SHOC2: variants seen among roughly 807,000 people sequenced by gnomAD.
SHOC2 encodes the protein SHOC2 leucine rich repeat scaffold protein.
In SHOC2, 4 loss-of-function variants were observed where a neutral mutation model predicts 50.2. That is an observed-to-expected ratio of 0.08 (90% CI 0.04 to 0.18). SHOC2 has a LOEUF of 0.18. Ranked by LOEUF, SHOC2 falls within the 10% of genes least tolerant of loss-of-function variation. The pLI, the probability that SHOC2 is intolerant of heterozygous loss-of-function variation, is 1.00. For synonymous variants in SHOC2, 218 were observed against 244.5 expected, an observed-to-expected ratio of 0.89 and a Z score of 1.01; for missense variants, 388 against 669.6, an observed-to-expected ratio of 0.58 and a Z score of 4.64.
At chr10:110,979,783 A>G (rs1239974892) in intron 2 of SHOC2, among the ~76,000 whole-genome samples, 2 of 152,208 alleles carry the variant, frequency 1.3e-5, no homozygotes, top group Middle Eastern at 3.2e-3. Context: ...CCAAACTGTA[A>G]CTTCAGCTCA....
At chr10:110,968,138 G>C (rs1027891818) in intron 2 of SHOC2, among the ~76,000 whole-genome samples, 5 of 152,016 alleles carry the variant, frequency 3.3e-5, no homozygotes, top group Admixed American at 3.3e-4. Context: ...GTTATTATCC[G>C]TCTTTTCTTA....
rs577082608 is a variant in SHOC2, at chr10:110,965,715, A to G, written c.703+654A>G. On this transcript the variant is annotated intron_variant, in intron 2 of 8. Coordinates refer to ENST00000369452, the MANE Select transcript of SHOC2 (RefSeq NM_007373.4). ...TTTCACATAAAGCTAACTTGTACTA[A>G]AACAAAGAAAATGTTTTTTAAAGGC... Among the ~76,000 whole-genome samples, 4 of 152,294 alleles carry G rather than the reference A, an allele frequency of 2.6e-5. No individual in the cohort carries two copies. The South Asian group carries it at 8.3e-4, about 32-fold the overall frequency.
chr10:110,989,816 A>G (rs1371045822), intron 3 of SHOC2, among the ~76,000 whole-genome samples: 1 of 152,198 alleles, frequency 6.6e-6, no homozygotes, highest in Non-Finnish European at 1.5e-5. Context: ...GTTCTTCAGT[A>G]TATTCAGTAT....
chr10:110,965,667 T>C (rs1487007902), intron 2 of SHOC2, among the ~76,000 whole-genome samples: 1 of 152,290 alleles, frequency 6.6e-6, no homozygotes, highest in Non-Finnish European at 1.5e-5. Flanking sequence ...ACTGTTACCA[T>C]TTTGCTAATT....
At chr10:110,926,635 G>A (rs1294368285) in intron 1 of SHOC2, among the ~76,000 whole-genome samples, 5 of 152,150 alleles carry the variant, frequency 3.3e-5, no homozygotes, top group South Asian at 4.1e-4. Flanking sequence ...ACAAACATGC[G>A]TAGAATCTTT....
chr10:110,959,059 T>TGTATTAG (rs1448750280), intron 1 of SHOC2, among the ~76,000 whole-genome samples: 1 of 152,224 alleles, frequency 6.6e-6, no homozygotes, highest in African/African-American at 2.4e-5. Flanking sequence ...ATATGTTATG[T>TGTATTAG]AAATGCTTAG....
intron 2 of SHOC2, among the ~76,000 whole-genome samples, chr10:110,974,333 T>C (rs1450642588): frequency 1.3e-5 from 2 of 152,096 alleles, no homozygotes; most frequent in African/African-American, 4.8e-5. Context: ...CTTTGATTTA[T>C]AAAATAGGGC....
intron 1 of SHOC2, among the ~76,000 whole-genome samples, chr10:110,949,987 A>G (rs1453319527): frequency 2.0e-5 from 3 of 152,318 alleles, no homozygotes; most frequent in East Asian, 3.9e-4. Flanking sequence ...TAAGATCAGG[A>G]AGAAGACAAG....
intron 1 of SHOC2, among the ~76,000 whole-genome samples, chr10:110,939,179 A>G (rs1847089002): frequency 6.6e-6 from 1 of 151,738 alleles, no homozygotes; most frequent in African/African-American, 2.4e-5. Flanking sequence ...ATAACTCCAG[A>G]TTTTTTTGCT....
intron 1 of SHOC2, among the ~76,000 whole-genome samples, chr10:110,959,642 C>T (rs1055025532): frequency 1.3e-5 from 2 of 152,186 alleles, no homozygotes; most frequent in Non-Finnish European, 2.9e-5. Flanking sequence ...TGTTCCCTAC[C>T]ACAGATATTT....
chr10:110,998,042 A>G (rs939552144), intron 3 of SHOC2, among the ~76,000 whole-genome samples: 1 of 149,726 alleles, frequency 6.7e-6, no homozygotes, highest in Non-Finnish European at 1.5e-5. Context: ...TGTGCCACCC[A>G]GGCTGGAGTG....
chr10:110,919,734 G>A (rs1483756561), intron 1 of SHOC2, 77 bp downstream of exon 1: 1 of 396,952 alleles, frequency 2.5e-6, no homozygotes, highest in East Asian at 3.6e-5. Context: ...TCGGGCAGTC[G>A]GGCTGGCTGT....
At chr10:111,005,823 C>G (rs1162833428) in intron 5 of SHOC2, among the ~76,000 whole-genome samples, 1 of 152,192 alleles carries the variant, frequency 6.6e-6, no homozygotes, top group Non-Finnish European at 1.5e-5. Flanking sequence ...AGTATTCTTC[C>G]TGTCATGATG....
At chr10:110,949,300 G>C (rs1466378493) in intron 1 of SHOC2, among the ~76,000 whole-genome samples, 2 of 152,046 alleles carry the variant, frequency 1.3e-5, no homozygotes, top group African/African-American at 4.8e-5. Context: ...GATAATAAGA[G>C]ACTACAATGA....
chr10:110,953,907 T>C (rs1355433492), intron 1 of SHOC2, among the ~76,000 whole-genome samples: 3 of 151,118 alleles, frequency 2.0e-5, no homozygotes, highest in African/African-American at 7.3e-5. Context: ...TATATAATTA[T>C]TACTTTTTAA....
chr10:111,006,745 A>G (rs945573899), intron 5 of SHOC2, among the ~76,000 whole-genome samples: 2 of 152,234 alleles, frequency 1.3e-5, no homozygotes, highest in African/African-American at 2.4e-5. Flanking sequence ...CACTGTTAAC[A>G]TACTGACATA....
chr10:111,013,533 G>C lies in SHOC2; in HGVS notation c.*1715G>C, dbSNP rs1464559931. ...ATAAAACCCTAGAATGCTTAAATGT[G>C]CTGTAAAACTATTGTAGATGTCACT... is the stretch of plus-strand genomic sequence containing the variant. On this transcript the variant is annotated 3_prime_UTR_variant, in exon 9 of 9. Coordinates refer to ENST00000369452, the MANE Select transcript of SHOC2 (RefSeq NM_007373.4). 1 of 151,892 alleles carries C rather than the reference G, an allele frequency of 6.6e-6. No homozygotes were observed. Among genetic ancestry groups the C allele is most frequent in the African/African-American group, 2.4e-5 (1 of 41,358 alleles). 9.4% of individuals were successfully genotyped at this position (151,892 alleles called of 1,614,324 possible).
intron 1 of SHOC2, among the ~76,000 whole-genome samples, chr10:110,949,241 A>C (rs180930753): frequency 6.6e-6 from 1 of 152,296 alleles, no homozygotes; most frequent in Non-Finnish European, 1.5e-5. Context: ...AATTAAAATT[A>C]CAAATGAAAG....
intron 1 of SHOC2, among the ~76,000 whole-genome samples, chr10:110,938,394 A>C (rs528390349): frequency 1.2e-4 from 19 of 152,236 alleles, no homozygotes; most frequent in African/African-American, 4.6e-4. Flanking sequence ...TGGAGCTTTC[A>C]ATTTTTAGCC....
Sources: gnomAD v4.1 joint callset for allele counts (sites outside exome capture counted in the v4.1 genomes callset) on GRCh38, gnomAD v4.1.1 for gene constraint, MANE v1.5 for transcripts, NCBI Gene and HGNC (gene_info 2026-07-23, HGNC 2026-07-21) for gene names.